Variants in PALS1 observed in about 807,000 individuals in gnomAD.
The protein encoded by PALS1 is protein PALS1.
A neutral mutation model predicts 78.9 loss-of-function variants in PALS1; 31 were observed. That is an observed-to-expected ratio of 0.39 (90% CI 0.30 to 0.53). The LOEUF (loss-of-function observed/expected upper bound fraction) is 0.53. Among genes scored for constraint, PALS1 ranks in the 20% least tolerant of loss-of-function variants. The pLI is 0.67. For missense variants in PALS1, 704 were observed against 826.5 expected (o/e 0.85, Z 1.82); for synonymous variants, 276 against 270.9 (o/e 1.02, Z -0.18).
At chr14:67,319,312 T>G (rs2085227598) in intron 11 of PALS1, among the ~76,000 whole-genome samples, 3 of 152,270 alleles carry the variant, frequency 2.0e-5, no homozygotes, top group Non-Finnish European at 4.4e-5. Flanking sequence ...AGGCTACTAG[T>G]TATCTGCTTT....
intron 3 of PALS1, among the ~76,000 whole-genome samples, chr14:67,290,162 C>T (rs1357563350): frequency 1.3e-5 from 2 of 152,002 alleles, no homozygotes; most frequent in Non-Finnish European, 2.9e-5. Context: ...TAATTTTAGT[C>T]AAAATCTCAA....
chr14:67,301,496 G>A (rs202063605), intron 5 of PALS1, 30 bp downstream of exon 5: 462 of 1,490,996 alleles, frequency 3.1e-4, no homozygotes, highest in Non-Finnish European at 3.2e-4. Context: ...CTATATATGT[G>A]GTTTTTCCAG....
intron 1 of PALS1, among the ~76,000 whole-genome samples, chr14:67,259,167 A>G (rs1300186241): frequency 6.6e-6 from 1 of 151,896 alleles, no homozygotes; most frequent in Non-Finnish European, 1.5e-5. Flanking sequence ...ACATTGTCAT[A>G]AATGGTACCC....
intron 1 of PALS1, among the ~76,000 whole-genome samples, chr14:67,248,523 C>T (rs2084019124): frequency 6.6e-6 from 1 of 152,058 alleles, no homozygotes; most frequent in Non-Finnish European, 1.5e-5. Flanking sequence ...ATTTGGCTTT[C>T]TGTCTCATAT....
At chr14:67,326,609 A>T (rs983176085) in intron 14 of PALS1, among the ~76,000 whole-genome samples, 4 of 152,092 alleles carry the variant, frequency 2.6e-5, no homozygotes, top group Non-Finnish European at 2.9e-5. Context: ...TAGTTTTCTT[A>T]TGCCCCTTTG....
intron 1 of PALS1, among the ~76,000 whole-genome samples, chr14:67,265,040 A>AT (rs893470426): frequency 6.6e-6 from 1 of 151,992 alleles, no homozygotes; most frequent in African/African-American, 2.4e-5. Flanking sequence ...TACTTTGAAG[A>AT]TTTTTTAAAT....
Position 67,334,707 on chromosome 14 carries a change from T to C in PALS1, c.*1751T>C, listed in dbSNP as rs2085503547. Reference sequence around the variant, plus strand: ...TCTTGGGTTGAGGGAAGGAATGCCATACACTACTGTCTCTTCAGATCTGAA... The same window carrying C: ...TCTTGGGTTGAGGGAAGGAATGCCACACACTACTGTCTCTTCAGATCTGAA... On this transcript the variant is annotated 3_prime_UTR_variant, in exon 15 of 15. Transcript: ENST00000261681. 1 of 152,280 alleles carries C rather than the reference T, an allele frequency of 6.6e-6. No homozygotes were observed. 9.4% of individuals were successfully genotyped at this position (152,280 alleles called of 1,614,324 possible). A position where few individuals can be genotyped will look rare whatever the true frequency, so the allele number is the denominator to read the frequency against.
intron 4 of PALS1, among the ~76,000 whole-genome samples, chr14:67,299,934 C>T (rs896198356): frequency 6.6e-6 from 1 of 152,138 alleles, no homozygotes; most frequent in African/African-American, 2.4e-5. Flanking sequence ...ATCAAGACTA[C>T]AAATTTCATT....
intron 3 of PALS1, among the ~76,000 whole-genome samples, chr14:67,284,575 A>C (rs1380351526): frequency 2.4e-4 from 35 of 145,880 alleles, no homozygotes; most frequent in African/African-American, 8.9e-4. Context: ...AAAAAAAAAA[A>C]AAAAAAAAAA....
At chr14:67,285,782 T>C (rs2084675951) in intron 3 of PALS1, among the ~76,000 whole-genome samples, 1 of 152,204 alleles carries the variant, frequency 6.6e-6, no homozygotes, top group South Asian at 2.1e-4. Flanking sequence ...TGGTGATTGC[T>C]TTCTGTTGCC....
chr14:67,300,337 T>TTTTTTTTTTTTTTTTC (rs1324120005), intron 4 of PALS1, among the ~76,000 whole-genome samples: 3 of 90,642 alleles, frequency 3.3e-5, no homozygotes, highest in African/African-American at 2.9e-4. Flanking sequence ...ATGAATTACC[T>TTTTTTTTTTTTTTTTC]TTTTTTTTTT....
intron 2 of PALS1, among the ~76,000 whole-genome samples, chr14:67,276,755 G>A (rs1241898775): frequency 6.6e-6 from 1 of 152,134 alleles, no homozygotes; most frequent in Admixed American, 6.6e-5. Flanking sequence ...TTTTCTGAGA[G>A]CAAAGGTTGG....
chr14:67,318,834 G>T (rs930246755), intron 11 of PALS1, among the ~76,000 whole-genome samples: 13 of 152,116 alleles, frequency 8.5e-5, no homozygotes, highest in Admixed American at 5.9e-4. Flanking sequence ...GAGGCAGGCG[G>T]ATCACGAGGT....
chr14:67,264,922 G>A (rs533031746), intron 1 of PALS1, among the ~76,000 whole-genome samples: 10 of 152,116 alleles, frequency 6.6e-5, no homozygotes, highest in African/African-American at 2.2e-4. Flanking sequence ...CAACAGAATT[G>A]TCAGGAATCA....
At chr14:67,307,820 T>C (rs576230743) in intron 8 of PALS1, among the ~76,000 whole-genome samples, 1 of 152,166 alleles carries the variant, frequency 6.6e-6, no homozygotes, top group South Asian at 2.1e-4. Context: ...AGCAGAGATG[T>C]GGAATCAACC....
At chr14:67,329,624 T>C (rs1359481124) in intron 14 of PALS1, among the ~76,000 whole-genome samples, 2 of 152,206 alleles carry the variant, frequency 1.3e-5, no homozygotes, top group African/African-American at 4.8e-5. Context: ...TTGTCATAAA[T>C]AGCTCTTATT....
chr14:67,266,082 C>A (rs927633274), intron 1 of PALS1, among the ~76,000 whole-genome samples: 9 of 152,084 alleles, frequency 5.9e-5, no homozygotes, highest in African/African-American at 1.7e-4. Context: ...GTTGGGATTA[C>A]AAATGTAAGC....
At chr14:67,255,745 A>G (rs771040012) in intron 1 of PALS1, among the ~76,000 whole-genome samples, 1 of 152,194 alleles carries the variant, frequency 6.6e-6, no homozygotes, top group African/African-American at 2.4e-5. Context: ...CAGTAGTGCA[A>G]TCTGGGCTCA....
At position 67,301,456 on chromosome 14, in the gene PALS1, C is replaced by G; in HGVS notation, c.644C>G (p.Pro215Arg). 6.2e-7 allele frequency: 1 copy of G among 1,607,250 alleles called. No homozygotes were observed. The highest frequency in any genetic ancestry group is 1.7e-4 in the Middle Eastern group (1 of 6,022). Residue 215 changes from proline (P) to arginine (R), a missense_variant, in exon 5 of 15, where the codon CCA becomes CGA. Coordinates refer to ENST00000261681, the MANE Select transcript of PALS1 (RefSeq NM_022474.4). ...GAACTAACTGCTTTGCTGAATACTC[C>G]ACATATTCAGGTAGAAAATGGACAG... ...GQELTALLNT[P>R]HIQALLLAHD...
Sources: allele counts gnomAD v4.1 joint callset (sites outside exome capture counted in the v4.1 genomes callset), GRCh38; gene constraint gnomAD v4.1.1; transcripts MANE v1.5; gene names NCBI Gene and HGNC (gene_info 2026-07-23, HGNC 2026-07-21).